Variants in KCNH7 observed in about 807,000 individuals in gnomAD.
KCNH7 encodes voltage-gated inwardly rectifying potassium channel KCNH7.
Under a neutral mutation model 120.8 loss-of-function variants are expected in KCNH7, and 49 were observed. That is an observed-to-expected ratio of 0.41 (90% CI 0.32 to 0.51). The LOEUF (loss-of-function observed/expected upper bound fraction) is 0.51, where lower values mean the gene tolerates loss of function less well. Among genes scored for constraint, KCNH7 ranks in the 20% least tolerant of loss-of-function variants. KCNH7 has a pLI of 0.38. For missense variants in KCNH7, 1,097 were observed against 1,446.6 expected, an observed-to-expected ratio of 0.76 and a Z score of 3.92; for synonymous variants, 547 against 516.1, an observed-to-expected ratio of 1.06 and a Z score of -0.81.
intron 2 of KCNH7, among the ~76,000 whole-genome samples, chr2:162,755,580 T>C (rs1323340821): frequency 6.6e-6 from 1 of 152,186 alleles, no homozygotes; most frequent in African/African-American, 2.4e-5. Context: ...AGAATCCTTG[T>C]GTGACACTGT....
rs922871372 is a variant in KCNH7, at chr2:162,614,737, G to A, written c.308-77657C>T. On this transcript the variant is annotated intron_variant, in intron 2 of 15. Coordinates refer to ENST00000332142, the MANE Select transcript of KCNH7 (RefSeq NM_033272.4). ...TACATATTATATATATATTTGTAGT[G>A]AAGTATAAAACATGACAGGAAGGAA... Among the ~76,000 whole-genome samples the A allele has an allele frequency of 2.7e-5, 4 of 148,392 alleles. No homozygotes were observed. The Admixed American group carries it at 2.7e-4, about 10-fold the overall frequency.
chr2:162,716,213 T>C (rs981952369), intron 2 of KCNH7, among the ~76,000 whole-genome samples: 2 of 152,162 alleles, frequency 1.3e-5, no homozygotes, highest in Non-Finnish European at 2.9e-5. Context: ...TTCTGATTGG[T>C]CATAGCCTTT....
chr2:162,593,321 A>G (rs1694274683), intron 2 of KCNH7, among the ~76,000 whole-genome samples: 1 of 152,068 alleles, frequency 6.6e-6, no homozygotes, highest in Admixed American at 6.6e-5. Flanking sequence ...GGGGATAATA[A>G]TATAGGCAGA....
intron 2 of KCNH7, among the ~76,000 whole-genome samples, chr2:162,740,727 A>G (rs1484521207): frequency 1.3e-5 from 2 of 152,122 alleles, no homozygotes; most frequent in Non-Finnish European, 2.9e-5. Context: ...TCCACTCTAC[A>G]TCAGGGAATG....
chr2:162,625,491 G>T (rs1056976117), intron 2 of KCNH7, among the ~76,000 whole-genome samples: 1 of 152,176 alleles, frequency 6.6e-6, no homozygotes, highest in Non-Finnish European at 1.5e-5. Context: ...AGCAGGGGAG[G>T]AAGCATTTTA....
At chr2:162,486,336 C>T (rs1690094029) in intron 6 of KCNH7, among the ~76,000 whole-genome samples, 1 of 152,128 alleles carries the variant, frequency 6.6e-6, no homozygotes, top group South Asian at 2.1e-4. Context: ...ACAGTCCCTC[C>T]CAGCAGGGAG....
intron 2 of KCNH7, among the ~76,000 whole-genome samples, chr2:162,587,900 A>C (rs939315377): frequency 7.9e-5 from 12 of 152,104 alleles, no homozygotes; most frequent in African/African-American, 2.9e-4. Context: ...TATATATAAG[A>C]ATACAAGCTA....
chr2:162,759,698 A>G (rs1477595257), intron 2 of KCNH7, among the ~76,000 whole-genome samples: 1 of 152,022 alleles, frequency 6.6e-6, no homozygotes, highest in Admixed American at 6.6e-5. Context: ...GGCAGGAAGG[A>G]AGGAAGGAAA....
intron 2 of KCNH7, among the ~76,000 whole-genome samples, chr2:162,591,308 TC>T (rs1195801719): frequency 1.3e-5 from 2 of 152,054 alleles, no homozygotes; most frequent in Non-Finnish European, 2.9e-5. Context: ...GCACAGACTC[TC>T]CTTCACATTT....
chr2:162,601,295 CA>C (rs761127420), intron 2 of KCNH7, among the ~76,000 whole-genome samples: 6 of 151,010 alleles, frequency 4.0e-5, no homozygotes, highest in Non-Finnish European at 7.4e-5. Context: ...TTAAATTCAC[CA>C]GTCAAGGTTC....
intron 2 of KCNH7, among the ~76,000 whole-genome samples, chr2:162,614,839 C>CTA (rs1414326756): frequency 6.6e-6 from 1 of 150,996 alleles, no homozygotes; most frequent in African/African-American, 2.4e-5. Context: ...GGCTACTGAA[C>CTA]TATATTTGTA....
At chr2:162,547,154 T>TAAA (rs1273523108) in intron 2 of KCNH7, among the ~76,000 whole-genome samples, 1 of 152,110 alleles carries the variant, frequency 6.6e-6, no homozygotes, top group African/African-American at 2.4e-5. Context: ...CTACCATTTA[T>TAAA]AAAACCATCA....
chr2:162,717,281 T>C (rs1687157257), intron 2 of KCNH7, among the ~76,000 whole-genome samples: 1 of 152,132 alleles, frequency 6.6e-6, no homozygotes. Context: ...CTATGAGACA[T>C]TACTACTGCT....
chr2:162,462,028 G>T (rs1166803638), intron 6 of KCNH7, among the ~76,000 whole-genome samples: 5 of 152,226 alleles, frequency 3.3e-5, no homozygotes, highest in African/African-American at 9.6e-5. Flanking sequence ...CTGTAGAAAT[G>T]ATGTACGTGG....
At chr2:162,479,984 A>G (rs374474413) in intron 6 of KCNH7, among the ~76,000 whole-genome samples, 1 of 152,188 alleles carries the variant, frequency 6.6e-6, no homozygotes, top group East Asian at 1.9e-4. Context: ...GTAACTTGAT[A>G]TTCCATGAAG....
chr2:162,373,538 G>T lies in KCNH7; in HGVS notation c.3256C>A (p.Gln1086Lys). The part of the protein sequence containing the change: ...AGSEYQRPII[Q>K]LMRTSQPEAS... ...TCCGGTTGACTGGTTCTCATCAGCTGGATGATGGGTCTCTGATATTCTGAT... is the reference window on the plus strand; with the variant it reads ...TCCGGTTGACTGGTTCTCATCAGCTTGATGATGGGTCTCTGATATTCTGAT... The change falls in exon 15 of 16, where the codon CAG becomes AAG. Residue 1086 changes from glutamine (Q) to lysine (K), a missense_variant. This residue lies in a region of KCNH7 where 406 missense variants were observed against 410.5 expected (regional missense o/e 0.99). Transcript: ENST00000332142. 6.3e-7 allele frequency: 1 copy of T among 1,589,796 alleles called. No individual in the cohort carries two copies. Among genetic ancestry groups the T allele is most frequent in the African/African-American group, 1.4e-5 (1 of 73,684 alleles).
At chr2:162,715,946 TTGTG>T (rs55649777) in intron 2 of KCNH7, among the ~76,000 whole-genome samples, 3,729 of 146,438 alleles carry the variant, frequency 0.025, 79 homozygotes, top group East Asian at 0.12. Flanking sequence ...GAGCATGTCT[TTGTG>T]TGTGTGTGTG....
chr2:162,676,161 A>G (rs935522925), intron 2 of KCNH7, among the ~76,000 whole-genome samples: 2 of 151,524 alleles, frequency 1.3e-5, no homozygotes, highest in East Asian at 3.9e-4. Context: ...GTTTGCTTGA[A>G]TACATTGTAA....
chr2:162,658,944 T>A (rs527631005), intron 2 of KCNH7, among the ~76,000 whole-genome samples: 115 of 152,302 alleles, frequency 7.6e-4, no homozygotes, highest in Non-Finnish European at 1.4e-3. Flanking sequence ...TCCTTCCCAA[T>A]TTTAAAGCTT....
Sources: gnomAD v4.1 joint callset for allele counts (sites outside exome capture counted in the v4.1 genomes callset) on GRCh38, gnomAD v4.1.1 for gene constraint, gnomAD v4.1.1 regional missense constraint, MANE v1.5 for transcripts, NCBI Gene and HGNC (gene_info 2026-07-23, HGNC 2026-07-21) for gene names.